Variants in SOX6 observed in about 807,000 individuals in gnomAD.
The protein encoded by SOX6 is transcription factor SOX-6.
In SOX6, 11 loss-of-function variants were observed where a neutral mutation model predicts 97.8. That is an observed-to-expected ratio of 0.11 (90% CI 0.07 to 0.19). The LOEUF is 0.19. Among genes scored for constraint, SOX6 ranks in the 10% least tolerant of loss-of-function variants. SOX6 has a pLI of 1.00. For synonymous variants in SOX6, 360 were observed against 371.4 expected (o/e 0.97, Z 0.35); for missense variants, 810 against 1,039.5 (o/e 0.78, Z 3.04).
intron 4 of SOX6, among the ~76,000 whole-genome samples, chr11:16,582,239 A>G (rs528259570): frequency 1.3e-5 from 2 of 152,268 alleles, no homozygotes; most frequent in African/African-American, 4.8e-5. Context: ...GATTAATCAT[A>G]CCCCAAACCT....
chr11:16,308,005 C>T (rs1855488741), intron 3 of SOX6, among the ~76,000 whole-genome samples: 1 of 152,182 alleles, frequency 6.6e-6, no homozygotes, highest in South Asian at 2.1e-4. Context: ...CTCAGTTATA[C>T]TTAAACTCAA....
intron 6 of SOX6, among the ~76,000 whole-genome samples, chr11:16,119,771 A>C (rs1466225367): frequency 2.0e-5 from 3 of 152,200 alleles, no homozygotes; most frequent in Non-Finnish European, 4.4e-5. Context: ...AGAGAACTTA[A>C]AACTGACTTT....
chr11:16,720,859 T>C (rs2134053471), intron 2 of SOX6, among the ~76,000 whole-genome samples: 1 of 152,164 alleles, frequency 6.6e-6, no homozygotes, highest in Non-Finnish European at 1.5e-5. Context: ...CAAAATATGA[T>C]CAACTTTGAG....
At chr11:16,518,377 A>G (rs915414106) in intron 4 of SOX6, among the ~76,000 whole-genome samples, 1 of 152,164 alleles carries the variant, frequency 6.6e-6, no homozygotes, top group Non-Finnish European at 1.5e-5. Context: ...TAACTCTCCC[A>G]ATTGGAGTTA....
At chr11:16,107,382 T>C (rs1849113870) in intron 7 of SOX6, among the ~76,000 whole-genome samples, 2 of 147,426 alleles carry the variant, frequency 1.4e-5, no homozygotes, top group Non-Finnish European at 3.0e-5. Context: ...ATGTGATCTG[T>C]ATACATATAT....
intron 4 of SOX6, among the ~76,000 whole-genome samples, chr11:16,492,798 G>T (rs923682581): frequency 7.2e-5 from 11 of 151,970 alleles, no homozygotes; most frequent in African/African-American, 2.7e-4. Context: ...ACAAGAAATT[G>T]AATAGAAAAA....
chr11:16,577,090 T>C (rs1047021030), intron 4 of SOX6: 1 of 152,104 alleles, frequency 6.6e-6, no homozygotes, highest in Non-Finnish European at 1.5e-5. Flanking sequence ...AAAATATAAA[T>C]AACGAATGAA....
At chr11:16,521,189 C>G (rs554938254) in intron 4 of SOX6, among the ~76,000 whole-genome samples, 4 of 152,192 alleles carry the variant, frequency 2.6e-5, no homozygotes, top group African/African-American at 9.7e-5. Flanking sequence ...CAAGTGGGTC[C>G]CTGACCCCTG....
chr11:16,635,845 C>T (rs1042747991), intron 3 of SOX6, among the ~76,000 whole-genome samples: 5 of 152,234 alleles, frequency 3.3e-5, no homozygotes, highest in Admixed American at 3.3e-4. Flanking sequence ...AGCCCCAAGC[C>T]TTGGAAGCTT....
chr11:16,162,437 G>A (rs1287645477), intron 6 of SOX6, among the ~76,000 whole-genome samples: 1 of 152,172 alleles, frequency 6.6e-6, no homozygotes, highest in Non-Finnish European at 1.5e-5. Flanking sequence ...AGGGCCTGGT[G>A]AGAGGTGTTT....
chr11:16,216,142 G>A (rs1199515538), intron 4 of SOX6, among the ~76,000 whole-genome samples: 2 of 152,130 alleles, frequency 1.3e-5, no homozygotes, highest in East Asian at 3.9e-4. Context: ...GATTAAGTGA[G>A]ATAAAATACA....
At chr11:16,058,460 C>T (rs1847871003) in intron 9 of SOX6, among the ~76,000 whole-genome samples, 1 of 152,012 alleles carries the variant, frequency 6.6e-6, no homozygotes, top group Admixed American at 6.6e-5. Context: ...CAGCAACGTT[C>T]TAAAAAGCTG....
At chr11:16,509,721 G>A (rs1351673798) in intron 4 of SOX6, among the ~76,000 whole-genome samples, 2 of 151,778 alleles carry the variant, frequency 1.3e-5, no homozygotes, top group African/African-American at 4.8e-5. Context: ...ATTTTAATCG[G>A]GCATATTGAG....
At chr11:16,341,971 G>A (rs554949687) in intron 1 of SOX6, among the ~76,000 whole-genome samples, 1 of 152,076 alleles carries the variant, frequency 6.6e-6, no homozygotes, top group South Asian at 2.1e-4. Flanking sequence ...TTTGAATTAA[G>A]TATCTGAAAT....
intron 3 of SOX6, chr11:16,314,477 AT>A (rs1053203003): frequency 5.3e-5 from 8 of 152,134 alleles, no homozygotes; most frequent in African/African-American, 1.7e-4. Flanking sequence ...ATTAGAGTTC[AT>A]TTTTATATGC....
At chr11:16,540,291 C>T (rs1250426740) in intron 4 of SOX6, among the ~76,000 whole-genome samples, 2 of 152,106 alleles carry the variant, frequency 1.3e-5, no homozygotes, top group Non-Finnish European at 2.9e-5. Context: ...TAAAAACTCT[C>T]AATAAATTAG....
At chr11:16,615,181 T>G (rs1489079041) in intron 3 of SOX6, among the ~76,000 whole-genome samples, 1 of 152,096 alleles carries the variant, frequency 6.6e-6, no homozygotes, top group Non-Finnish European at 1.5e-5. Flanking sequence ...TAGAAACACC[T>G]GTGCTAAGTA....
intron 7 of SOX6, among the ~76,000 whole-genome samples, chr11:16,098,103 A>G (rs971094642): frequency 1.1e-4 from 16 of 151,852 alleles, no homozygotes; most frequent in African/African-American, 3.9e-4. Context: ...GAGTCCAAAA[A>G]GGGCTCTGAG....
intron 4 of SOX6, among the ~76,000 whole-genome samples, chr11:16,546,772 A>T (rs1235730941): frequency 2.0e-5 from 3 of 152,200 alleles, no homozygotes; most frequent in Admixed American, 2.0e-4. Context: ...GGACTATATT[A>T]AACCAAAAAG....
Sources: gnomAD v4.1 joint callset for allele counts (sites outside exome capture counted in the v4.1 genomes callset) on GRCh38, gnomAD v4.1.1 for gene constraint, MANE v1.5 for transcripts, NCBI Gene and HGNC (gene_info 2026-07-23, HGNC 2026-07-21) for gene names.